Variants in SIL1 observed in about 807,000 individuals in gnomAD.
SIL1 encodes nucleotide exchange factor SIL1.
A neutral mutation model predicts 49.1 loss-of-function variants in SIL1; 40 were observed. That is an observed-to-expected ratio of 0.81 (90% CI 0.63 to 1.06). The LOEUF is 1.06. SIL1 is among the 50% of genes least tolerant of loss of function. The pLI is 0.00. For synonymous variants in SIL1, 253 were observed against 250.8 expected (o/e 1.01, Z -0.08); for missense variants, 500 against 572.6 (o/e 0.87, Z 1.29).
At chr5:138,991,326 C>T (rs1187403339) in intron 7 of SIL1, among the ~76,000 whole-genome samples, 2 of 152,232 alleles carry the variant, frequency 1.3e-5, no homozygotes, top group Non-Finnish European at 2.9e-5. Flanking sequence ...CTTTAGACCT[C>T]AAGGCTGTGT....
chr5:138,965,908 T>C (rs952294420), intron 7 of SIL1, among the ~76,000 whole-genome samples: 5 of 151,898 alleles, frequency 3.3e-5, no homozygotes, highest in African/African-American at 9.7e-5. Context: ...CAAAGCCTTA[T>C]ACAGAGAGTG....
chr5:139,056,440 A>C (rs1769426289), intron 3 of SIL1, among the ~76,000 whole-genome samples: 1 of 145,524 alleles, frequency 6.9e-6, no homozygotes, highest in Non-Finnish European at 1.5e-5. Context: ...CCCGGCAGCC[A>C]CCCCGTCTGG....
intron 1 of SIL1, among the ~76,000 whole-genome samples, chr5:139,154,231 A>T (rs1392956478): frequency 1.7e-5 from 1 of 58,592 alleles, no homozygotes. Context: ...AATATCAGGT[A>T]AAAAAAAAGG....
rs1475125370 is a variant in SIL1 at position 139,123,184 on chromosome 5, C to A, written c.106-2011G>T. 2.6e-5 allele frequency among the ~76,000 whole-genome samples: 4 copies of A among 152,236 alleles called. No homozygotes were observed. In the South Asian group the frequency reaches 8.3e-4, roughly 32 times the overall value. On this transcript the variant is annotated intron_variant, in intron 2 of 9. Coordinates refer to ENST00000394817, the MANE Select transcript of SIL1 (RefSeq NM_022464.5). ...CCTGCGCAGCCTGGTGCCTCAAACC[C>A]CTCCTATCCCTTCAACTTAAAGTTT...
At chr5:139,037,707 A>G (rs1164307977) in intron 5 of SIL1, among the ~76,000 whole-genome samples, 1 of 151,728 alleles carries the variant, frequency 6.6e-6, no homozygotes, top group African/African-American at 2.4e-5. Context: ...CTTTTTTCTT[A>G]TCTTCTGTTT....
chr5:138,953,331 C>T (rs1286405843), intron 7 of SIL1: 4 of 152,394 alleles, frequency 2.6e-5, no homozygotes, highest in Non-Finnish European at 5.9e-5. Flanking sequence ...TGCCACCGTA[C>T]AGGAGAGGGC....
intron 1 of SIL1, among the ~76,000 whole-genome samples, chr5:139,192,386 G>A (rs1190463451): frequency 6.6e-6 from 1 of 152,168 alleles, no homozygotes; most frequent in Non-Finnish European, 1.5e-5. Flanking sequence ...TGAGTTCACT[G>A]ACCACTTTGA....
At chr5:139,086,998 T>TA (rs1413991896) in intron 3 of SIL1, among the ~76,000 whole-genome samples, 3 of 151,494 alleles carry the variant, frequency 2.0e-5, no homozygotes, top group Non-Finnish European at 2.9e-5. Context: ...TTTCTTTTTT[T>TA]AAAAAAATTA....
At chr5:139,112,358 A>G (rs1467852674) in intron 3 of SIL1, among the ~76,000 whole-genome samples, 1 of 149,126 alleles carries the variant, frequency 6.7e-6, no homozygotes, top group Non-Finnish European at 1.5e-5. Flanking sequence ...CTGGGAAGTG[A>G]GGAGCGCCTC....
chr5:139,055,796 G>A (rs955812165), intron 3 of SIL1, among the ~76,000 whole-genome samples: 7 of 117,696 alleles, frequency 5.9e-5, no homozygotes, highest in East Asian at 4.4e-4. Flanking sequence ...TCAGCCTGCC[G>A]AGTGCCTGCG....
intron 1 of SIL1, among the ~76,000 whole-genome samples, chr5:139,139,014 G>A (rs934571491): frequency 1.6e-4 from 24 of 152,104 alleles, no homozygotes; most frequent in Non-Finnish European, 2.4e-4. Context: ...TCAGAGTCCC[G>A]CTTCCTGATG....
chr5:138,950,754 G>C (rs1434271429), intron 9 of SIL1, among the ~76,000 whole-genome samples: 2 of 152,214 alleles, frequency 1.3e-5, no homozygotes, highest in East Asian at 1.9e-4. Flanking sequence ...GCCCTGCCCA[G>C]AGCCAAAGCT....
intron 7 of SIL1, among the ~76,000 whole-genome samples, chr5:139,010,609 CT>C (rs1348645281): frequency 6.7e-6 from 1 of 149,278 alleles, no homozygotes; most frequent in African/African-American, 2.4e-5. Context: ...TACTTTTGGT[CT>C]TTGATGATGG....
chr5:139,074,587 G>T (rs1315247403), intron 3 of SIL1, among the ~76,000 whole-genome samples: 1 of 152,294 alleles, frequency 6.6e-6, no homozygotes, highest in East Asian at 1.9e-4. Context: ...CAACCTCAAT[G>T]CCTTTATTCC....
intron 2 of SIL1, among the ~76,000 whole-genome samples, chr5:139,122,712 G>A (rs945994230): frequency 3.9e-5 from 6 of 152,144 alleles, no homozygotes; most frequent in African/African-American, 1.4e-4. Flanking sequence ...TGATGCCAAT[G>A]TAGAGCCCCT....
chr5:139,076,749 C>T (rs1293863246), intron 3 of SIL1, among the ~76,000 whole-genome samples: 1 of 152,198 alleles, frequency 6.6e-6, no homozygotes, highest in African/African-American at 2.4e-5. Context: ...ACCAATTCCC[C>T]TTCTATTGGT....
chr5:139,080,819 T>C (rs1770056290), intron 3 of SIL1, among the ~76,000 whole-genome samples: 1 of 152,244 alleles, frequency 6.6e-6, no homozygotes, highest in Admixed American at 6.5e-5. Context: ...CTTTTTGTCT[T>C]GGCTACCAGG....
chr5:138,964,968 C>T (rs1056472286), intron 7 of SIL1, among the ~76,000 whole-genome samples: 4 of 152,198 alleles, frequency 2.6e-5, no homozygotes, highest in Admixed American at 6.5e-5. Context: ...GACAAGAAAG[C>T]GTGGGGAAGC....
intron 1 of SIL1, among the ~76,000 whole-genome samples, chr5:139,131,087 G>C (rs944370651): frequency 1.3e-5 from 2 of 152,054 alleles, no homozygotes; most frequent in Admixed American, 6.6e-5. Flanking sequence ...AAATGATCTA[G>C]GAAAGAAAAA....
Sources: allele counts gnomAD v4.1 joint callset (sites outside exome capture counted in the v4.1 genomes callset), GRCh38; gene constraint gnomAD v4.1.1; transcripts MANE v1.5; gene names NCBI Gene and HGNC (gene_info 2026-07-23, HGNC 2026-07-21).